RERG: variants seen among roughly 807,000 people sequenced by gnomAD.
RERG encodes the protein RAS like estrogen regulated growth inhibitor, also known as ras-related and estrogen-regulated growth inhibitor.
A neutral mutation model predicts 23.2 loss-of-function variants in RERG; 25 were observed. That is an observed-to-expected ratio of 1.08 (90% CI 0.79 to 1.50). The LOEUF is 1.50. Ranked by LOEUF, RERG falls within the 40% of genes most tolerant of loss-of-function variation. The pLI is 0.00. For synonymous variants in RERG, 81 were observed against 89.1 expected, an observed-to-expected ratio of 0.91 and a Z score of 0.51; for missense variants, 253 against 250.1, an observed-to-expected ratio of 1.01 and a Z score of -0.08.
chr12:15,121,259 T>A lies in RERG; in HGVS notation c.62-140A>T, dbSNP rs573209173. 8.9e-5 allele frequency: 56 copies of A among 630,742 alleles called. No individual in the cohort carries two copies. In the South Asian group the frequency reaches 1.2e-3, roughly 14 times the overall value. The allele number at this position is 630,742 out of a possible 1,614,324, so 39.1% of individuals were successfully genotyped here. A position where few individuals can be genotyped will look rare whatever the true frequency, so the allele number is the denominator to read the frequency against. On this transcript the variant is annotated intron_variant, in intron 2 of 4. Coordinates refer to ENST00000256953, the MANE Select transcript of RERG (RefSeq NM_032918.3). ...TTGATATATAAAACAAATAAATTTT[T>A]TTATGTTTATTCAAGTAATTTTCCA...
intron 2 of RERG, among the ~76,000 whole-genome samples, chr12:15,189,410 T>G (rs1022200320): frequency 2.4e-4 from 37 of 152,150 alleles, no homozygotes; most frequent in African/African-American, 8.9e-4. Context: ...TGTCCATATA[T>G]CCACATGATT....
chr12:15,127,264 A>G (rs11056361), intron 2 of RERG, among the ~76,000 whole-genome samples: 102,329 of 151,576 alleles, frequency 0.68, 34,647 homozygotes, highest in Admixed American at 0.75. Context: ...CTGGCATAGC[A>G]CTTGACACAT....
At chr12:15,126,862 C>T (rs138318195) in intron 2 of RERG, among the ~76,000 whole-genome samples, 129 of 151,360 alleles carry the variant, frequency 8.5e-4, no homozygotes, top group African/African-American at 3.0e-3. Context: ...GGACTACAGG[C>T]GCAACCCGCC....
chr12:15,159,421 T>C, intron 2 of RERG, among the ~76,000 whole-genome samples: 1 of 152,380 alleles, frequency 6.6e-6, no homozygotes, highest in Admixed American at 6.5e-5. Context: ...GAATTATTAT[T>C]GATTTAACTA....
At chr12:15,161,146 G>GAAAGAAAGA (rs1233541519) in intron 2 of RERG, among the ~76,000 whole-genome samples, 1 of 64,872 alleles carries the variant, frequency 1.5e-5, no homozygotes, top group Admixed American at 1.7e-4. Flanking sequence ...GAAAAAGAAA[G>GAAAGAAAGA]AAAGAAAGAA....
At chr12:15,133,144 G>GAGAT (rs1422729511) in intron 2 of RERG, among the ~76,000 whole-genome samples, 4 of 59,212 alleles carry the variant, frequency 6.8e-5, no homozygotes, top group Admixed American at 5.9e-4. Context: ...ATATCCTGTG[G>GAGAT]AGATATATAT....
At chr12:15,133,593 T>C (rs1295094859) in intron 2 of RERG, among the ~76,000 whole-genome samples, 2 of 152,140 alleles carry the variant, frequency 1.3e-5, no homozygotes, top group African/African-American at 4.8e-5. Context: ...TTTCAGACTA[T>C]TTGGGTAAAC....
chr12:15,217,490 G>A lies in RERG; in HGVS notation c.-1C>T, dbSNP rs372954205. On this transcript the variant is annotated 5_prime_UTR_variant, in exon 2 of 5. Transcript: ENST00000256953. The stretch of plus-strand genomic sequence containing the variant: ...GTTTGACCTCCGCACTTTTAGCCAT[G>A]ATGGGTGTTGGTAGACAATTTACTG... 21 of 1,610,054 alleles carry A rather than the reference G, an allele frequency of 1.3e-5. No homozygotes were observed. The highest frequency in any genetic ancestry group is 1.6e-5 in the Non-Finnish European group (19 of 1,176,456).
intron 2 of RERG, among the ~76,000 whole-genome samples, chr12:15,123,651 A>C (rs1863882326): frequency 8.5e-6 from 1 of 118,144 alleles, no homozygotes; most frequent in Non-Finnish European, 1.8e-5. Context: ...TTTTAAGTTT[A>C]TTACATTATT....
chr12:15,115,358 A>G (rs1863701022), intron 3 of RERG, among the ~76,000 whole-genome samples: 1 of 152,162 alleles, frequency 6.6e-6, no homozygotes, highest in Admixed American at 6.5e-5. Flanking sequence ...TAAATGGTAG[A>G]GGCGAGATTT....
At chr12:15,191,266 T>C (rs1273917726) in intron 2 of RERG, among the ~76,000 whole-genome samples, 1 of 152,196 alleles carries the variant, frequency 6.6e-6, no homozygotes, top group Non-Finnish European at 1.5e-5. Flanking sequence ...TAATTCTAGA[T>C]GTAGAATTGA....
At chr12:15,118,003 G>A (rs542970412) in intron 3 of RERG, among the ~76,000 whole-genome samples, 1 of 152,130 alleles carries the variant, frequency 6.6e-6, no homozygotes, top group South Asian at 2.1e-4. Context: ...GTATAATAAG[G>A]AAAATTAAAA....
In RERG at chr12:15,209,754, A is replaced by C. The variant is rs1001644728; in HGVS notation, c.61+7675T>G. Among the ~76,000 whole-genome samples, 9 of 152,220 alleles carry C rather than the reference A, an allele frequency of 5.9e-5. No homozygotes were observed. In the East Asian group the frequency reaches 1.5e-3, roughly 26 times the overall value. The stretch of plus-strand genomic sequence containing the variant: ...ATTCTAATGGTCATTTCATTTTCTA[A>C]TATAAAATATCTGAGAAGATGTGGA... On this transcript the variant is annotated intron_variant, in intron 2 of 4. Coordinates refer to ENST00000256953, the MANE Select transcript of RERG (RefSeq NM_032918.3).
At chr12:15,132,889 T>G (rs1055687479) in intron 2 of RERG, among the ~76,000 whole-genome samples, 3 of 152,016 alleles carry the variant, frequency 2.0e-5, no homozygotes, top group Non-Finnish European at 4.4e-5. Flanking sequence ...ATTTTATAAA[T>G]GAGACGTGAT....
At chr12:15,206,182 G>A (rs1865287456) in intron 2 of RERG, among the ~76,000 whole-genome samples, 2 of 151,926 alleles carry the variant, frequency 1.3e-5, no homozygotes, top group Non-Finnish European at 2.9e-5. Flanking sequence ...CAATTGTTGA[G>A]GCTTACATTT....
intron 1 of RERG, among the ~76,000 whole-genome samples, chr12:15,220,178 G>A (rs1214272213): frequency 6.6e-6 from 1 of 152,116 alleles, no homozygotes; most frequent in Non-Finnish European, 1.5e-5. Context: ...GCTTCCATAC[G>A]TGGATCTAAG....
chr12:15,113,553 T>C (rs968913379), intron 3 of RERG, among the ~76,000 whole-genome samples: 5 of 152,030 alleles, frequency 3.3e-5, no homozygotes, highest in Admixed American at 6.5e-5. Flanking sequence ...CTAGCATTCT[T>C]CTGTATCAGC....
At chr12:15,160,445 T>C (rs1251397288) in intron 2 of RERG, among the ~76,000 whole-genome samples, 3 of 152,120 alleles carry the variant, frequency 2.0e-5, no homozygotes, top group Admixed American at 2.0e-4. Context: ...AAGGGCTCCA[T>C]CTATAAAGGA....
rs200079980 is a variant in RERG at position 15,130,858 on chromosome 12, T to C, written c.62-9739A>G. 1.4e-4 allele frequency among the ~76,000 whole-genome samples: 22 copies of C among 152,296 alleles called. No individual in the cohort carries two copies. In the East Asian group the frequency reaches 4.0e-3, roughly 28 times the overall value. ...CCAAGAATTATTAGGGAAACACTTT[T>C]GTTTTTGAAAATCTAGCCTGGGAGT... On this transcript the variant is annotated intron_variant, in intron 2 of 4. Transcript: ENST00000256953.
Sources: allele counts gnomAD v4.1 joint callset (sites outside exome capture counted in the v4.1 genomes callset), GRCh38; gene constraint gnomAD v4.1.1; transcripts MANE v1.5; gene names NCBI Gene and HGNC (gene_info 2026-07-23, HGNC 2026-07-21).